MVB12B: variants seen among roughly 807,000 people sequenced by gnomAD.
The protein encoded by MVB12B is multivesicular body subunit 12B.
A neutral mutation model predicts 41.6 loss-of-function variants in MVB12B; 16 were observed. The ratio of observed to expected loss-of-function variants is 0.38; its 90% CI spans 0.26 to 0.58. The LOEUF (loss-of-function observed/expected upper bound fraction) is 0.58. MVB12B is among the 20% of genes least tolerant of loss of function. MVB12B has a pLI of 0.62. For missense variants in MVB12B, 274 were observed against 380.2 expected, an observed-to-expected ratio of 0.72 and a Z score of 2.32; for synonymous variants, 133 against 139.7, an observed-to-expected ratio of 0.95 and a Z score of 0.34.
intron 1 of MVB12B, among the ~76,000 whole-genome samples, chr9:126,339,531 C>A (rs1297183006): frequency 1.3e-5 from 2 of 152,222 alleles, no homozygotes; most frequent in Admixed American, 6.5e-5. Context: ...TATATTCTAC[C>A]TTTCTCCTCT....
intron 7 of MVB12B, among the ~76,000 whole-genome samples, chr9:126,424,537 C>T (rs1832115967): frequency 6.6e-6 from 1 of 152,222 alleles, no homozygotes; most frequent in Non-Finnish European, 1.5e-5. Context: ...TGTCTGGGAC[C>T]ACCACCTCCT....
intron 3 of MVB12B, among the ~76,000 whole-genome samples, chr9:126,385,873 TTC>T (rs919685147): frequency 5.9e-5 from 9 of 152,194 alleles, no homozygotes; most frequent in Non-Finnish European, 1.3e-4. Context: ...TTGCAAAGAA[TTC>T]TCTCTCGCAA....
chr9:126,421,734 A>T, intron 6 of MVB12B, 120 bp from the exon 7 acceptor site: 1 of 745,550 alleles, frequency 1.3e-6, no homozygotes, highest in Non-Finnish European at 2.4e-6. Context: ...GGCGCTGGCC[A>T]GAAGCACCTG....
At chr9:126,348,961 G>A (rs986863694) in intron 2 of MVB12B, among the ~76,000 whole-genome samples, 2 of 152,082 alleles carry the variant, frequency 1.3e-5, no homozygotes, top group South Asian at 4.1e-4. Context: ...CAATAAATGA[G>A]GAGAGGATTG....
At chr9:126,342,962 T>C (rs1258727608) in intron 2 of MVB12B, among the ~76,000 whole-genome samples, 1 of 152,200 alleles carries the variant, frequency 6.6e-6, no homozygotes, top group Non-Finnish European at 1.5e-5. Flanking sequence ...AATTTCTCCC[T>C]GCGCACAGAG....
At chr9:126,369,132 G>C (rs1454790722) in intron 2 of MVB12B, among the ~76,000 whole-genome samples, 1 of 152,100 alleles carries the variant, frequency 6.6e-6, no homozygotes, top group East Asian at 1.9e-4. Flanking sequence ...AACGTTGTTG[G>C]ATTTAGCAAA....
chr9:126,454,539 G>A (rs567464064), intron 7 of MVB12B, among the ~76,000 whole-genome samples: 2 of 152,342 alleles, frequency 1.3e-5, no homozygotes, highest in South Asian at 4.1e-4. Context: ...GTAGAAAGGT[G>A]GCCCCTGGTC....
intron 7 of MVB12B, among the ~76,000 whole-genome samples, chr9:126,442,173 A>G (rs574353310): frequency 6.6e-6 from 1 of 152,382 alleles, no homozygotes; most frequent in Admixed American, 6.5e-5. Context: ...CTTTTAAAGC[A>G]GTAACACACA....
chr9:126,394,758 G>T (rs574394499), intron 5 of MVB12B, among the ~76,000 whole-genome samples: 15 of 152,306 alleles, frequency 9.8e-5, no homozygotes, highest in African/African-American at 3.6e-4. Context: ...GTTCTGAGAA[G>T]CTTATTAGGG....
rs1279854265 is a variant in MVB12B at position 126,386,904 on chromosome 9, T to TG, written c.409+247dup. ...TTTCTTTTAGAATGGTGCTCCCTGC[T>TG]GAATCGGCTCACTGGGGAATGGAAT... On this transcript the variant is annotated intron_variant, in intron 4 of 9. Coordinates refer to ENST00000361171, the MANE Select transcript of MVB12B (RefSeq NM_033446.3). The surrounding 1 kb of genome is among the most constrained non-coding windows in gnomAD (Gnocchi z 4.3). Among the ~76,000 whole-genome samples, 1 of 152,152 alleles carries TG rather than the reference T, an allele frequency of 6.6e-6. No individual in the cohort carries two copies.
intron 2 of MVB12B, among the ~76,000 whole-genome samples, chr9:126,379,335 G>A (rs4837072): frequency 0.82 from 125,220 of 152,166 alleles, 52,004 homozygotes; most frequent in African/African-American, 0.91. Context: ...ATACAGTAAA[G>A]TTGCATTGGG....
At chr9:126,479,931 T>C (rs973582251) in intron 7 of MVB12B, among the ~76,000 whole-genome samples, 29 of 152,170 alleles carry the variant, frequency 1.9e-4, no homozygotes, top group Admixed American at 1.6e-3. Context: ...GGTTTTTTCT[T>C]CTCTTATGTC....
At chr9:126,477,671 C>T (rs1245599824) in intron 7 of MVB12B, among the ~76,000 whole-genome samples, 1 of 152,226 alleles carries the variant, frequency 6.6e-6, no homozygotes, top group Non-Finnish European at 1.5e-5. Context: ...AACCCGCCCC[C>T]ATGATTCAAT....
At chr9:126,463,213 T>C (rs975121808) in intron 7 of MVB12B, among the ~76,000 whole-genome samples, 1 of 152,078 alleles carries the variant, frequency 6.6e-6, no homozygotes, top group Admixed American at 6.6e-5. Flanking sequence ...CGTAGGTTGG[T>C]GTGTGTTCTC....
At chr9:126,349,299 A>G (rs1417808248) in intron 2 of MVB12B, among the ~76,000 whole-genome samples, 2 of 152,192 alleles carry the variant, frequency 1.3e-5, no homozygotes, top group African/African-American at 4.8e-5. Flanking sequence ...AGATGGAGAT[A>G]AGAACTCAGT....
At chr9:126,419,929 T>C (rs889804699) in intron 6 of MVB12B, among the ~76,000 whole-genome samples, 5 of 152,204 alleles carry the variant, frequency 3.3e-5, no homozygotes, top group African/African-American at 1.2e-4. Context: ...ACCTCCATCC[T>C]AGGAGTTTGA....
intron 7 of MVB12B, among the ~76,000 whole-genome samples, chr9:126,450,366 GC>G (rs1832867343): frequency 1.3e-5 from 2 of 152,222 alleles, no homozygotes; most frequent in South Asian, 2.1e-4. Context: ...TGGGAAGCTA[GC>G]CCCCATTGGG....
In MVB12B at chr9:126,333,322, T is replaced by A. The variant is rs936680145; in HGVS notation, c.81+6312T>A. Among the ~76,000 whole-genome samples the A allele has an allele frequency of 3.3e-5, 5 of 151,770 alleles. No homozygotes were observed. The highest frequency in any genetic ancestry group is 1.3e-4 in the Admixed American group (2 of 15,242). ...GGCTGGTCTCGAACTCCTGACCTTG[T>A]GATCTGTCCGCCTCGGACTCCCAAG... On this transcript the variant is annotated intron_variant, in intron 1 of 9. Coordinates refer to ENST00000361171, the MANE Select transcript of MVB12B (RefSeq NM_033446.3). This position sits in a 1 kb window ranked among gnomAD's most constrained non-coding sequence, Gnocchi z 4.7.
chr9:126,434,421 C>T lies in MVB12B; in HGVS notation c.757+12473C>T, dbSNP rs117638356. On this transcript the variant is annotated intron_variant, in intron 7 of 9. Coordinates refer to ENST00000361171, the MANE Select transcript of MVB12B (RefSeq NM_033446.3). Reference sequence around the variant, plus strand: ...TCCTTTGTTAGAGAGCAGTTTCTTACGCCTGACTTGTTTTATAGCATGAAC... The same window carrying T: ...TCCTTTGTTAGAGAGCAGTTTCTTATGCCTGACTTGTTTTATAGCATGAAC... Among the ~76,000 whole-genome samples, 567 of 152,284 alleles carry T rather than the reference C, an allele frequency of 3.7e-3. 8 individuals are homozygous for T. In the East Asian group the frequency reaches 0.046, roughly 12 times the overall value.
Sources: allele counts gnomAD v4.1 joint callset (sites outside exome capture counted in the v4.1 genomes callset), GRCh38; gene constraint gnomAD v4.1.1; non-coding constraint Gnocchi (gnomAD v3.1); transcripts MANE v1.5; gene names NCBI Gene and HGNC (gene_info 2026-07-23, HGNC 2026-07-21).